The following TMEM87B variants were observed in gnomAD, a reference collection of about 807,000 sequenced individuals.
The protein encoded by TMEM87B is transmembrane protein 87B.
TMEM87B carries 83 observed loss-of-function variants against 80.3 expected under a neutral mutation model. The ratio of observed to expected loss-of-function variants is 1.03; its 90% confidence interval spans 0.87 to 1.24. The LOEUF is 1.24. Among genes scored for constraint, TMEM87B ranks in the 50% most tolerant of loss-of-function variants. TMEM87B has a pLI of 0.00. For missense variants in TMEM87B, 625 were observed against 674.4 expected, an observed-to-expected ratio of 0.93 and a Z score of 0.81; for synonymous variants, 219 against 230.5, an observed-to-expected ratio of 0.95 and a Z score of 0.45.
At chr2:112,087,329 A>G (rs1679177986) in intron 9 of TMEM87B, among the ~76,000 whole-genome samples, 1 of 152,186 alleles carries the variant, frequency 6.6e-6, no homozygotes, top group Admixed American at 6.5e-5. Flanking sequence ...GTGCACCCTC[A>G]GTGCTGCTGG....
At chr2:112,089,597 T>C (rs1274365800) in intron 9 of TMEM87B, 28 bp from the exon 10 acceptor site, 1 of 1,610,668 alleles carries the variant, frequency 6.2e-7, no homozygotes, top group Admixed American at 1.7e-5. Context: ...CTTTTTCTTC[T>C]TTCTCTGTTT....
At position 112,081,506 on chromosome 2, in the gene TMEM87B, A is replaced by T; in HGVS notation, c.826A>T (p.Thr276Ser). The T allele has an allele frequency of 6.2e-7, 1 of 1,607,610 alleles. No individual in the cohort carries two copies. The highest frequency in any genetic ancestry group is 8.5e-7 in the Non-Finnish European group (1 of 1,178,184). Residue 276 changes from threonine (T) to serine (S), a missense_variant, in exon 8 of 19, where the codon ACT becomes TCT. By Grantham distance (58) the Thr-to-Ser change is moderately conservative (BLOSUM62 1). Coordinates refer to ENST00000283206, the MANE Select transcript of TMEM87B (RefSeq NM_032824.3). ...TAGTGAATACCAAAACATCAGCAAC[A>T]CTGGACTGTCAAGTAAGTTTTGACT... ...FYSEYQNISN[T>S]GLSTQGLLIF...
chr2:112,110,698 A>C (rs1304148369), intron 17 of TMEM87B, among the ~76,000 whole-genome samples: 1 of 151,040 alleles, frequency 6.6e-6, no homozygotes, highest in African/African-American at 2.4e-5. Flanking sequence ...GTGTTGTTTT[A>C]TTTTTCTTTT....
chr2:112,112,815 T>C, intron 17 of TMEM87B, 84 bp from the exon 18 acceptor site: 2 of 1,284,706 alleles, frequency 1.6e-6, no homozygotes, highest in South Asian at 1.3e-5. Context: ...TAGTGGGCCA[T>C]GGCATGTGCC....
chr2:112,083,563 C>A (rs764343926), intron 8 of TMEM87B, among the ~76,000 whole-genome samples: 2 of 152,146 alleles, frequency 1.3e-5, no homozygotes, highest in Non-Finnish European at 2.9e-5. Context: ...TGGTTCTCAT[C>A]CCTGGTTTTG....
chr2:112,060,606 G>A (rs189575102), intron 2 of TMEM87B, among the ~76,000 whole-genome samples: 2,046 of 151,102 alleles, frequency 0.014, 25 homozygotes, highest in Non-Finnish European at 0.022. Context: ...GCAAGATCTC[G>A]GATGACTGCA....
Position 112,087,318 on chromosome 2 carries a change from C to T in TMEM87B, c.938+1214C>T, listed in dbSNP as rs1679177561. Among the ~76,000 whole-genome samples, 5 of 152,306 alleles carry T rather than the reference C, an allele frequency of 3.3e-5. 1 individual carries two copies. In the East Asian group the frequency reaches 5.8e-4, roughly 18 times the overall value. On this transcript the variant is annotated intron_variant, in intron 9 of 18. Transcript: ENST00000283206. ...TTGCCATTCATGACCCTAAACTTCA[C>T]GTGCACCCTCAGTGCTGCTGGCAGT...
rs747074722 is a variant in TMEM87B at position 112,117,299 on chromosome 2, G to T, written c.*1156G>T. The T allele has an allele frequency of 6.6e-6, 1 of 152,170 alleles. No individual in the cohort carries two copies. The highest frequency in any genetic ancestry group is 2.4e-5 in the African/African-American group (1 of 41,446). 9.4% of individuals were successfully genotyped at this position (152,170 alleles called of 1,614,324 possible). A position where few individuals can be genotyped will look rare whatever the true frequency, so the allele number is the denominator to read the frequency against. ...ATTTAGAATAATAATTAAAGCTAGA[G>T]TCTTGTATGTCTTTTCTTTGAAGGA... On this transcript the variant is annotated 3_prime_UTR_variant, in exon 19 of 19. Transcript: ENST00000283206.
At chr2:112,064,098 C>A in intron 2 of TMEM87B, 64 bp from the exon 3 acceptor site, 1 of 1,392,322 alleles carries the variant, frequency 7.2e-7, no homozygotes, top group Non-Finnish European at 1.0e-6. Context: ...ATTCTCAAAA[C>A]CTTAAGTTTA....
At chr2:112,094,445 G>C (rs1435076641) in intron 11 of TMEM87B, among the ~76,000 whole-genome samples, 1 of 152,180 alleles carries the variant, frequency 6.6e-6, no homozygotes, top group Non-Finnish European at 1.5e-5. Flanking sequence ...ACAGGCGTGA[G>C]CCACCGTGCC....
Position 112,055,638 on chromosome 2 carries a change from GCCGCTGCTTTCCCGCCCGGGCC to G in TMEM87B, c.56_77del (p.Phe19CysfsTer25). On this transcript the variant is annotated frameshift_variant, in exon 1 of 19. Transcript: ENST00000283206. LOFTEE classifies it high-confidence loss of function. Reference sequence around the variant, plus strand: ...GTAGCCGGGCTCCTGCCACGCCGCCGCCGCTGCTTTCCCGCCCGGGCCCCGCTGCTGCGCGTCGCCCTCTGCC... The same window carrying G: ...GTAGCCGGGCTCCTGCCACGCCGCCGCCGCTGCTGCGCGTCGCCCTCTGCC... 2 of 1,556,462 alleles carry G rather than the reference GCCGCTGCTTTCCCGCCCGGGCC, an allele frequency of 1.3e-6. No individual in the cohort carries two copies. The highest frequency in any genetic ancestry group is 8.7e-7 in the Non-Finnish European group (1 of 1,153,656).
chr2:112,060,158 C>A, intron 2 of TMEM87B, 121 bp downstream of exon 2: 1 of 1,136,100 alleles, frequency 8.8e-7, no homozygotes, highest in Non-Finnish European at 1.1e-6. Context: ...CGAGCCTGGC[C>A]AACATAGTGA....
Position 112,071,806 on chromosome 2 carries a change from C to T in TMEM87B, c.451-3106C>T, listed in dbSNP as rs114018747. Among the ~76,000 whole-genome samples the T allele has an allele frequency of 0.031, 4,681 of 152,200 alleles. 441 individuals are homozygous for T. The East Asian group carries it at 0.36, about 12-fold the overall frequency. On this transcript the variant is annotated intron_variant, in intron 4 of 18. Coordinates refer to ENST00000283206, the MANE Select transcript of TMEM87B (RefSeq NM_032824.3). The stretch of plus-strand genomic sequence containing the variant: ...TCTTACTTGATTGCTCTGGCCAGGA[C>T]TTCCAATACCATGTTAAATAGGAGT...
In TMEM87B at chr2:112,058,946, G is replaced by A. The variant is rs188468581; in HGVS notation, c.166-1031G>A. On this transcript the variant is annotated intron_variant, in intron 1 of 18. Coordinates refer to ENST00000283206, the MANE Select transcript of TMEM87B (RefSeq NM_032824.3). Reference sequence around the variant, plus strand: ...ACCACCTCCAGCCAAGGTGGACAATGTAGGAAAAGTTGGTGAGCAGAGAGG... The same window carrying A: ...ACCACCTCCAGCCAAGGTGGACAATATAGGAAAAGTTGGTGAGCAGAGAGG... Among the ~76,000 whole-genome samples the A allele has an allele frequency of 3.9e-5, 6 of 152,374 alleles. No homozygotes were observed. The East Asian group carries it at 1.2e-3, about 29-fold the overall frequency.
At chr2:112,071,209 C>G (rs984651222) in intron 4 of TMEM87B, among the ~76,000 whole-genome samples, 1 of 152,160 alleles carries the variant, frequency 6.6e-6, no homozygotes, top group East Asian at 1.9e-4. Context: ...AGTTCATTCA[C>G]CCCCTTGGTT....
chr2:112,094,708 T>C (rs1311518553), intron 11 of TMEM87B, among the ~76,000 whole-genome samples: 2 of 152,196 alleles, frequency 1.3e-5, no homozygotes, highest in African/African-American at 4.8e-5. Flanking sequence ...TGAATATTTA[T>C]AATGAAAATG....
chr2:112,060,923 CA>C (rs1002441269), intron 2 of TMEM87B, among the ~76,000 whole-genome samples: 20 of 151,960 alleles, frequency 1.3e-4, no homozygotes, highest in South Asian at 1.0e-3. Flanking sequence ...AATAGACGAA[CA>C]AAAAAAATTT....
intron 11 of TMEM87B, among the ~76,000 whole-genome samples, chr2:112,094,798 A>C (rs1307814205): frequency 1.3e-5 from 2 of 152,156 alleles, no homozygotes; most frequent in Admixed American, 1.3e-4. Flanking sequence ...TCTAGTGTCT[A>C]TTTCTGCATG....
intron 4 of TMEM87B, among the ~76,000 whole-genome samples, chr2:112,069,893 T>C (rs1339970026): frequency 6.6e-6 from 1 of 152,238 alleles, no homozygotes; most frequent in Non-Finnish European, 1.5e-5. Flanking sequence ...TATCTCATTG[T>C]GGTTTTGATT....
Sources: gnomAD v4.1 joint callset for allele counts (sites outside exome capture counted in the v4.1 genomes callset) on GRCh38, gnomAD v4.1.1 for gene constraint, MANE v1.5 for transcripts, NCBI Gene and HGNC (gene_info 2026-07-23, HGNC 2026-07-21) for gene names.